Variants in SCN10A observed in about 807,000 individuals in gnomAD.
SCN10A encodes the protein sodium voltage-gated channel alpha subunit 10.
In SCN10A, 162 loss-of-function variants were observed where a neutral mutation model predicts 170.7. The observed-to-expected ratio is 0.95, with a 90% CI of 0.84 to 1.08. The LOEUF is 1.08. SCN10A is among the 50% of genes least tolerant of loss of function. SCN10A has a pLI of 0.00. For synonymous variants in SCN10A, 985 were observed against 904.6 expected (o/e 1.09, Z -1.59); for missense variants, 2,527 against 2,436.9 (o/e 1.04, Z -0.78).
At chr3:38,722,062 C>T (rs1018873717) in intron 20 of SCN10A, among the ~76,000 whole-genome samples, 196 bp downstream of exon 20, 8 of 152,202 alleles carry the variant, frequency 5.3e-5, no homozygotes, top group South Asian at 2.1e-4. Flanking sequence ...GGCCATGGCA[C>T]GGGCACCTTG....
chr3:38,736,498 A>G (rs769976728), intron 15 of SCN10A, among the ~76,000 whole-genome samples: 25 of 151,994 alleles, frequency 1.6e-4, no homozygotes, highest in Non-Finnish European at 2.9e-4. Context: ...TCTATTAATT[A>G]AAACCAGGAA....
At position 38,771,941 on chromosome 3, in the gene SCN10A, G is replaced by C. The variant is rs141906309; in HGVS notation, c.471-534C>G. Among the ~76,000 whole-genome samples, 75 of 152,304 alleles carry C rather than the reference G, an allele frequency of 4.9e-4. 1 individual carries two copies. The East Asian group carries it at 0.014, about 27-fold the overall frequency. On this transcript the variant is annotated intron_variant, in intron 4 of 27. Coordinates refer to ENST00000449082, the MANE Select transcript of SCN10A (RefSeq NM_006514.4). The stretch of plus-strand genomic sequence containing the variant: ...CTAAGTATCTCTGAAAGCAAGGTTT[G>C]GGGGAGGGTGATAAGTAGGGCTGAA...
Position 38,710,848 on chromosome 3 carries a change from CG to C in SCN10A, c.4138del (p.Arg1380GlyfsTer31). On this transcript the variant is annotated frameshift_variant, in exon 24 of 28. Coordinates refer to ENST00000449082, the MANE Select transcript of SCN10A (RefSeq NM_006514.4). LOFTEE classifies it high-confidence loss of function. ...GGACAGTGGGCTGAGACTCACCTCC[CG>C]GGAATCAACAGCTGCATACATAATG... ...MDIMYAAVDS[R>X]EVNMQPKWED... 4 of 1,613,402 alleles carry C rather than the reference CG, an allele frequency of 2.5e-6. No homozygotes were observed. The highest frequency in any genetic ancestry group is 3.4e-6 in the Non-Finnish European group (4 of 1,179,654).
chr3:38,760,122 G>T (rs185281319), intron 8 of SCN10A, among the ~76,000 whole-genome samples: 17 of 152,312 alleles, frequency 1.1e-4, no homozygotes, highest in Admixed American at 8.5e-4. Context: ...GAGTGATGAA[G>T]TCTATTTCTC....
At chr3:38,776,871 A>G (rs1285519762) in intron 4 of SCN10A, among the ~76,000 whole-genome samples, 1 of 152,082 alleles carries the variant, frequency 6.6e-6, no homozygotes, top group East Asian at 1.9e-4. Flanking sequence ...ATCAGCTGGA[A>G]CCATTAAAAA....
intron 5 of SCN10A, among the ~76,000 whole-genome samples, chr3:38,764,842 AT>A (rs1044188569): frequency 6.6e-6 from 1 of 152,136 alleles, no homozygotes; most frequent in African/African-American, 2.4e-5. Flanking sequence ...GCAGTGTAAA[AT>A]TGTTTCCTTT....
intron 26 of SCN10A, among the ~76,000 whole-genome samples, chr3:38,702,519 C>T (rs1358470370): frequency 6.6e-6 from 1 of 152,234 alleles, no homozygotes; most frequent in African/African-American, 2.4e-5. Context: ...CAGTCAGCCT[C>T]GAGTTCTAGC....
intron 4 of SCN10A, among the ~76,000 whole-genome samples, chr3:38,786,113 C>A (rs1230986618): frequency 1.3e-5 from 2 of 152,064 alleles, no homozygotes; most frequent in Admixed American, 1.3e-4. Flanking sequence ...TTTGACCCAG[C>A]AATTCCATTA....
intron 13 of SCN10A, among the ~76,000 whole-genome samples, chr3:38,745,394 C>T (rs1575991608): frequency 6.6e-6 from 1 of 152,146 alleles, no homozygotes; most frequent in Non-Finnish European, 1.5e-5. Flanking sequence ...TTGAATATAC[C>T]CTTTCTTCCC....
At chr3:38,698,598 TC>T in intron 27 of SCN10A, 36 bp from the exon 28 acceptor site, 1 of 1,583,856 alleles carries the variant, frequency 6.3e-7, no homozygotes. Context: ...AATTAGTATC[TC>T]CAGCCATGAG....
chr3:38,777,533 T>A (rs2064089975), intron 4 of SCN10A, among the ~76,000 whole-genome samples: 1 of 152,046 alleles, frequency 6.6e-6, no homozygotes, highest in Admixed American at 6.6e-5. Flanking sequence ...TGGTGATAAA[T>A]CAATTCAGTG....
intron 11 of SCN10A, 87 bp from the exon 12 acceptor site, chr3:38,752,599 T>A (rs1056478545): frequency 9.0e-7 from 1 of 1,106,250 alleles, no homozygotes. Context: ...CCTACTCCCA[T>A]TTCCCTGCCC....
intron 4 of SCN10A, among the ~76,000 whole-genome samples, chr3:38,784,598 T>A (rs1178659774): frequency 2.6e-5 from 4 of 152,036 alleles, no homozygotes; most frequent in African/African-American, 9.7e-5. Flanking sequence ...ATCTCACCAC[T>A]CTTATTCAAC....
chr3:38,763,730 G>A (rs1181261242), intron 5 of SCN10A, 134 bp from the exon 6 acceptor site: 1 of 665,204 alleles, frequency 1.5e-6, no homozygotes, highest in East Asian at 2.6e-5. Context: ...TAGTGACACT[G>A]CCATCTATAG....
intron 15 of SCN10A, among the ~76,000 whole-genome samples, chr3:38,730,646 G>A (rs2063504769): frequency 6.7e-6 from 1 of 149,118 alleles, no homozygotes; most frequent in Admixed American, 6.7e-5. Context: ...ACTATGTGCA[G>A]AGAATAAAAA....
chr3:38,736,977 T>G lies in SCN10A; in HGVS notation c.2280+2538A>C, dbSNP rs1223514545. On this transcript the variant is annotated intron_variant, in intron 15 of 27. Coordinates refer to ENST00000449082, the MANE Select transcript of SCN10A (RefSeq NM_006514.4). ...CAGAAATGTTCGTTTTTTTTTTTTT[T>G]TTTTTTTTTTTGAGACGGAGTCCCG... Among the ~76,000 whole-genome samples, 15 of 108,752 alleles carry G rather than the reference T, an allele frequency of 1.4e-4. 1 individual carries two copies. Among genetic ancestry groups the G allele is most frequent in the African/African-American group, 3.3e-4 (9 of 27,594 alleles). 71.3% of individuals were successfully genotyped at this position (108,752 alleles called of 152,430 possible). A position where few individuals can be genotyped will look rare whatever the true frequency, so the allele number is the denominator to read the frequency against.
intron 27 of SCN10A, among the ~76,000 whole-genome samples, chr3:38,699,092 C>A (rs1165787683): frequency 6.6e-6 from 1 of 152,014 alleles, no homozygotes; most frequent in Non-Finnish European, 1.5e-5. Flanking sequence ...GCTAATTGTA[C>A]GGAGCCTGGT....
At chr3:38,803,234 C>T (rs1349572550) in intron 1 of SCN10A, among the ~76,000 whole-genome samples, 2 of 152,174 alleles carry the variant, frequency 1.3e-5, no homozygotes, top group Non-Finnish European at 2.9e-5. Flanking sequence ...TTGTGGAAGA[C>T]AGTGTGGCAA....
At chr3:38,718,457 G>A (rs1393262798) in intron 21 of SCN10A, among the ~76,000 whole-genome samples, 196 bp downstream of exon 21, 1 of 152,224 alleles carries the variant, frequency 6.6e-6, no homozygotes, top group African/African-American at 2.4e-5. Flanking sequence ...AGTCACTATT[G>A]TGTCACAGTC....
Sources: allele counts gnomAD v4.1 joint callset (sites outside exome capture counted in the v4.1 genomes callset), GRCh38; gene constraint gnomAD v4.1.1; transcripts MANE v1.5; gene names NCBI Gene and HGNC (gene_info 2026-07-23, HGNC 2026-07-21).